The following HS6ST2 variants were observed in gnomAD, a reference collection of about 807,000 sequenced individuals.
HS6ST2 encodes heparan-sulfate 6-O-sulfotransferase 2.
In HS6ST2, 17 loss-of-function variants were observed where a neutral mutation model predicts 33.0. The ratio of observed to expected loss-of-function variants is 0.52; its 90% CI spans 0.35 to 0.77. The LOEUF is 0.77. HS6ST2 is among the 30% of genes least tolerant of loss of function. The probability of loss-of-function intolerance (pLI) is 0.01; values close to 1 mark genes in which losing one functional copy is unlikely to be tolerated. For synonymous variants in HS6ST2, 248 were observed against 237.1 expected (o/e 1.05, Z -0.42); for missense variants, 519 against 551.7 (o/e 0.94, Z 0.59).
chrX:132,959,637 C>T (rs1406517621), upstream of HS6ST2, among the ~76,000 whole-genome samples: 2 of 112,217 alleles, frequency 1.8e-5, no homozygotes, highest in Admixed American at 1.9e-4. Flanking sequence ...TGCCATGAAG[C>T]GGCAAGCCTA....
intron 4 of HS6ST2, among the ~76,000 whole-genome samples, chrX:132,658,682 T>C (rs1194458112): frequency 8.9e-6 from 1 of 112,455 alleles, no homozygotes. Flanking sequence ...AAGATGTAGA[T>C]ATAATTCCTG....
chrX:132,948,610 A>C lies in HS6ST2; in HGVS notation c.947+8198T>G, dbSNP rs565035915. 2.3e-4 allele frequency among the ~76,000 whole-genome samples: 26 copies of C among 112,534 alleles called. No individual in the cohort carries two copies. In the South Asian group the frequency reaches 9.5e-3, roughly 41 times the overall value. ...TAGAGGCAAAATGGCAGAAATAACA[A>C]ATGGGATGCAATAAGACCAACTGAA... On this transcript the variant is annotated intron_variant, in intron 2 of 4. Transcript: ENST00000370833.
chrX:132,726,397 T>C (rs1192141369), intron 2 of HS6ST2, among the ~76,000 whole-genome samples: 1 of 112,442 alleles, frequency 8.9e-6, no homozygotes, highest in Middle Eastern at 4.6e-3. Flanking sequence ...GCCAGGCAGT[T>C]ATTTTATATT....
intron 4 of HS6ST2, among the ~76,000 whole-genome samples, chrX:132,664,482 G>A (rs1026247231): frequency 8.9e-6 from 1 of 111,912 alleles, no homozygotes; most frequent in African/African-American, 3.2e-5. Flanking sequence ...GCAAAGGCAG[G>A]TTAGAGCCGG....
chrX:132,960,367 G>A (rs764828661), upstream of HS6ST2, among the ~76,000 whole-genome samples: 24 of 110,617 alleles, frequency 2.2e-4, no homozygotes, highest in Non-Finnish European at 3.6e-4. Context: ...TCATGGTGTC[G>A]CATAAAGATT....
At chrX:132,833,378 C>T (rs2148390701) in intron 2 of HS6ST2, among the ~76,000 whole-genome samples, 1 of 111,437 alleles carries the variant, frequency 9.0e-6, no homozygotes, top group East Asian at 2.8e-4. Flanking sequence ...GAGTTTAGTG[C>T]TTGGCTAGAA....
intron 2 of HS6ST2, among the ~76,000 whole-genome samples, chrX:132,766,019 G>C (rs995227300): frequency 8.9e-6 from 1 of 111,905 alleles, no homozygotes; most frequent in Non-Finnish European, 1.9e-5. Context: ...ACTAGCCTTA[G>C]ACTCACGTGG....
chrX:132,682,592 CTTAGAATTATGGATTT>C (rs1472663117), intron 3 of HS6ST2, among the ~76,000 whole-genome samples: 1 of 107,525 alleles, frequency 9.3e-6, no homozygotes, highest in Non-Finnish European at 1.9e-5. Flanking sequence ...TCCTGGGATT[CTTAGAATTATGGATTT>C]TTAGACTCCA....
At chrX:132,907,447 G>A (rs959064939) in intron 2 of HS6ST2, 6 of 123,817 alleles carry the variant, frequency 4.8e-5, no homozygotes, top group Non-Finnish European at 1.0e-4. Context: ...AGATGCCTCT[G>A]CAATGATAAA....
chrX:132,825,591 G>C (rs1243670924), intron 2 of HS6ST2, among the ~76,000 whole-genome samples: 1 of 111,564 alleles, frequency 9.0e-6, no homozygotes, highest in Non-Finnish European at 1.9e-5. Context: ...CAACTTTCTG[G>C]ATGTGTGACC....
intron 2 of HS6ST2, among the ~76,000 whole-genome samples, chrX:132,774,961 G>A (rs906535799): frequency 5.4e-5 from 6 of 111,046 alleles, no homozygotes; most frequent in Non-Finnish European, 9.4e-5. Flanking sequence ...GATTACAAGC[G>A]TGAGCCACTG....
intron 2 of HS6ST2, among the ~76,000 whole-genome samples, chrX:132,717,939 A>G (rs1425067165): frequency 1.4e-5 from 1 of 70,515 alleles, no homozygotes; most frequent in Non-Finnish European, 2.8e-5. Flanking sequence ...TAGTTTCAAA[A>G]CCAGGACCAA....
chrX:132,935,478 C>T (rs945768300), intron 2 of HS6ST2, among the ~76,000 whole-genome samples: 5 of 112,088 alleles, frequency 4.5e-5, no homozygotes, highest in African/African-American at 1.6e-4. Context: ...ATCCTCCCAC[C>T]TCAGCCTCCA....
intron 2 of HS6ST2, among the ~76,000 whole-genome samples, chrX:132,717,009 T>C (rs1764268441): frequency 1.8e-5 from 2 of 112,745 alleles, no homozygotes; most frequent in African/African-American, 6.4e-5. Flanking sequence ...TTCATTCACA[T>C]TTTTACACAT....
Position 132,733,181 on chromosome X carries a change from T to G in HS6ST2, c.948-24687A>C, listed in dbSNP as rs181180490. The stretch of plus-strand genomic sequence containing the variant: ...TGGCTCCAAGGATATTCCCACTCCT[T>G]TAGACAGCCCTGCAGTTCCAGAAAT... On this transcript the variant is annotated intron_variant, in intron 2 of 4. Transcript: ENST00000370833. Among the ~76,000 whole-genome samples the G allele has an allele frequency of 1.9e-4, 21 of 111,841 alleles. No homozygotes were observed. In the East Asian group the frequency reaches 5.6e-3, roughly 30 times the overall value.
chrX:132,939,549 TG>T (rs2066864929), intron 2 of HS6ST2, among the ~76,000 whole-genome samples: 1 of 110,488 alleles, frequency 9.1e-6, no homozygotes, highest in Non-Finnish European at 1.9e-5. Context: ...TGCTTGAACA[TG>T]GGGGGCAGAG....
At chrX:132,866,324 T>C (rs1327437969) in intron 2 of HS6ST2, among the ~76,000 whole-genome samples, 1 of 106,026 alleles carries the variant, frequency 9.4e-6, no homozygotes, top group African/African-American at 3.5e-5. Flanking sequence ...CTCTGTTCTG[T>C]TCCATTGATC....
chrX:132,645,678 T>C (rs1029742013), intron 4 of HS6ST2, among the ~76,000 whole-genome samples: 2 of 112,120 alleles, frequency 1.8e-5, no homozygotes, highest in Non-Finnish European at 3.8e-5. Flanking sequence ...AGGTACATTT[T>C]TGGGAGACTG....
At chrX:132,858,382 G>A (rs904405359) in intron 2 of HS6ST2, among the ~76,000 whole-genome samples, 1 of 112,293 alleles carries the variant, frequency 8.9e-6, no homozygotes, top group African/African-American at 3.2e-5. Context: ...GGTGTAACAG[G>A]ATCTTGTCTA....
Sources: allele counts gnomAD v4.1 joint callset (sites outside exome capture counted in the v4.1 genomes callset), GRCh38; gene constraint gnomAD v4.1.1; transcripts MANE v1.5; gene names NCBI Gene and HGNC (gene_info 2026-07-23, HGNC 2026-07-21).